IL1RAPL1: variants seen among roughly 807,000 people sequenced by gnomAD.
IL1RAPL1 encodes the protein interleukin 1 receptor accessory protein like 1, also known as interleukin-1 receptor accessory protein-like 1.
Under a neutral mutation model 48.4 loss-of-function variants are expected in IL1RAPL1, and 3 were observed. The observed-to-expected ratio is 0.06, with a 90% CI of 0.03 to 0.16. The LOEUF (loss-of-function observed/expected upper bound fraction) is 0.16, where lower values mean the gene tolerates loss of function less well. Ranked by LOEUF, IL1RAPL1 falls within the 10% of genes least tolerant of loss-of-function variation. IL1RAPL1 has a pLI of 1.00. For synonymous variants in IL1RAPL1, 185 were observed against 187.7 expected (o/e 0.99, Z 0.12); for missense variants, 349 against 530.6 (o/e 0.66, Z 3.36).
At chrX:29,276,678 T>A (rs1245279411) in intron 2 of IL1RAPL1, among the ~76,000 whole-genome samples, 2 of 111,530 alleles carry the variant, frequency 1.8e-5, no homozygotes, top group African/African-American at 6.5e-5. Flanking sequence ...TAGAGCTAAA[T>A]GAGGTTTTTT....
At chrX:29,478,997 TC>T (rs1935007317) in intron 5 of IL1RAPL1, among the ~76,000 whole-genome samples, 1 of 110,979 alleles carries the variant, frequency 9.0e-6, no homozygotes, top group Middle Eastern at 4.6e-3. Flanking sequence ...CCCCTTAAAC[TC>T]CTTCATTGAC....
intron 3 of IL1RAPL1, among the ~76,000 whole-genome samples, chrX:29,308,015 C>T (rs1311416714): frequency 1.8e-5 from 2 of 112,004 alleles, no homozygotes; most frequent in Non-Finnish European, 3.8e-5. Context: ...CCATAACACT[C>T]TCTGAGCTTG....
chrX:29,288,212 G>A (rs1932313953), intron 3 of IL1RAPL1, among the ~76,000 whole-genome samples: 1 of 110,345 alleles, frequency 9.1e-6, no homozygotes, highest in African/African-American at 3.3e-5. Flanking sequence ...ATAGGTAAAC[G>A]TGTGCCATGG....
rs1485502726 is a variant in IL1RAPL1, at chrX:29,485,546, CT to C, written c.703+86241del. Among the ~76,000 whole-genome samples the C allele has an allele frequency of 8.6e-4, 96 of 111,226 alleles. 2 individuals carry two copies. The highest frequency in any genetic ancestry group is 2.7e-3 in the African/African-American group (83 of 30,606). ...CTATGTGATTTCAAGTACTGTGCTCCTTTAACCCCACTCTTAATTGTGAAAA... is the reference window on the plus strand; with the variant it reads ...CTATGTGATTTCAAGTACTGTGCTCCTTAACCCCACTCTTAATTGTGAAAA... On this transcript the variant is annotated intron_variant, in intron 5 of 10. Coordinates refer to ENST00000378993, the MANE Select transcript of IL1RAPL1 (RefSeq NM_014271.4).
intron 2 of IL1RAPL1, among the ~76,000 whole-genome samples, chrX:29,151,487 G>T (rs1929466713): frequency 9.0e-6 from 1 of 111,570 alleles, no homozygotes; most frequent in African/African-American, 3.3e-5. Flanking sequence ...CCTGAGACAA[G>T]GCTTTAAGTG....
At chrX:28,861,671 C>T (rs1331236172) in intron 2 of IL1RAPL1, among the ~76,000 whole-genome samples, 1 of 111,165 alleles carries the variant, frequency 9.0e-6, no homozygotes, top group Non-Finnish European at 1.9e-5. Context: ...CTAAAGGCAG[C>T]TGAGGGTTGA....
chrX:28,854,831 G>A (rs898626225), intron 2 of IL1RAPL1, among the ~76,000 whole-genome samples: 1 of 111,482 alleles, frequency 9.0e-6, no homozygotes, highest in Admixed American at 9.5e-5. Context: ...AGTGACCTTG[G>A]CAAGACCAGT....
At chrX:29,855,331 C>T (rs1400317739) in intron 6 of IL1RAPL1, among the ~76,000 whole-genome samples, 1 of 112,254 alleles carries the variant, frequency 8.9e-6, no homozygotes, top group Admixed American at 9.5e-5. Context: ...AGTACAGAAA[C>T]TCACATGTAC....
intron 2 of IL1RAPL1, among the ~76,000 whole-genome samples, chrX:29,266,437 G>A (rs1051026375): frequency 9.0e-6 from 1 of 111,581 alleles, no homozygotes; most frequent in African/African-American, 3.3e-5. Flanking sequence ...AGGTAATGCA[G>A]GCAGGGTAAG....
intron 2 of IL1RAPL1, among the ~76,000 whole-genome samples, chrX:29,020,749 C>G (rs777653118): frequency 1.2e-4 from 13 of 111,141 alleles, no homozygotes; most frequent in Non-Finnish European, 2.1e-4. Context: ...TAGGAGGGCT[C>G]TAGAGGAAAG....
At chrX:29,702,208 T>C (rs1463284535) in intron 6 of IL1RAPL1, among the ~76,000 whole-genome samples, 1 of 106,023 alleles carries the variant, frequency 9.4e-6, no homozygotes, top group East Asian at 3.0e-4. Flanking sequence ...GAGCCGAGAT[T>C]GCGCCACTGC....
chrX:28,996,909 T>C (rs1925738687), intron 2 of IL1RAPL1, among the ~76,000 whole-genome samples: 1 of 111,943 alleles, frequency 8.9e-6, no homozygotes, highest in African/African-American at 3.2e-5. Context: ...CTGTTGCCAA[T>C]TTTTAAACTG....
chrX:29,390,282 G>T (rs746758654), intron 3 of IL1RAPL1, among the ~76,000 whole-genome samples: 1 of 110,926 alleles, frequency 9.0e-6, no homozygotes, highest in African/African-American at 3.3e-5. Flanking sequence ...CTTCAGATCT[G>T]CTGCCACTCT....
intron 2 of IL1RAPL1, among the ~76,000 whole-genome samples, chrX:29,087,170 G>C (rs986448953): frequency 2.4e-5 from 2 of 83,609 alleles, no homozygotes; most frequent in African/African-American, 9.7e-5. Context: ...ACGGAGCCTT[G>C]CTCTGTCGCC....
intron 5 of IL1RAPL1, among the ~76,000 whole-genome samples, chrX:29,477,499 G>C (rs1175429978): frequency 1.8e-5 from 2 of 111,848 alleles, no homozygotes; most frequent in Non-Finnish European, 3.8e-5. Context: ...AGTATTCCTA[G>C]GTTAGGTGGC....
At chrX:29,298,910 T>C (rs1453034782) in intron 3 of IL1RAPL1, among the ~76,000 whole-genome samples, 1 of 111,312 alleles carries the variant, frequency 9.0e-6, no homozygotes, top group Non-Finnish European at 1.9e-5. Flanking sequence ...GATTGAAGGA[T>C]GCAAAGTATT....
intron 2 of IL1RAPL1, among the ~76,000 whole-genome samples, chrX:28,840,843 G>A (rs182164220): frequency 7.1e-4 from 78 of 110,154 alleles, no homozygotes; most frequent in African/African-American, 2.3e-3. Context: ...CTGGAGCTGT[G>A]GGGAAACCTT....
At chrX:29,186,900 T>G (rs922986847) in intron 2 of IL1RAPL1, among the ~76,000 whole-genome samples, 2 of 111,149 alleles carry the variant, frequency 1.8e-5, no homozygotes, top group Admixed American at 9.7e-5. Flanking sequence ...ATATTCTCAC[T>G]TATAAGTGGG....
intron 5 of IL1RAPL1, among the ~76,000 whole-genome samples, chrX:29,406,160 T>C (rs377256285): frequency 2.0e-4 from 22 of 111,211 alleles, no homozygotes; most frequent in South Asian, 7.6e-4. Context: ...GAGGCCGAGG[T>C]GGGCGGATCA....
Sources: gnomAD v4.1 joint callset for allele counts (sites outside exome capture counted in the v4.1 genomes callset) on GRCh38, gnomAD v4.1.1 for gene constraint, MANE v1.5 for transcripts, NCBI Gene and HGNC (gene_info 2026-07-23, HGNC 2026-07-21) for gene names.